The following RHPN1 variants were observed in gnomAD, a reference collection of about 807,000 sequenced individuals.
RHPN1 encodes the protein rhophilin-1.
In RHPN1, 77 loss-of-function variants were observed where a neutral mutation model predicts 74.7. The ratio of observed to expected loss-of-function variants is 1.03; its 90% CI spans 0.86 to 1.25. The LOEUF is 1.25. Ranked by LOEUF, RHPN1 falls within the 50% of genes most tolerant of loss-of-function variation. The probability of loss-of-function intolerance (pLI) is 0.00; values close to 1 mark genes in which losing one functional copy is unlikely to be tolerated. For synonymous variants in RHPN1, 444 were observed against 414.5 expected (o/e 1.07, Z -0.87); for missense variants, 987 against 932.2 (o/e 1.06, Z -0.77).
chr8:143,375,428 GC>G (rs1755619287), intron 1 of RHPN1, 124 bp from the exon 2 acceptor site: 1 of 627,328 alleles, frequency 1.6e-6, no homozygotes, highest in Non-Finnish European at 2.7e-6. Flanking sequence ...GCCAGCTCCA[GC>G]CCCAGCGCAT....
chr8:143,374,177 C>T (rs1818054733), intron 1 of RHPN1: 8 of 985,432 alleles, frequency 8.1e-6, no homozygotes, highest in South Asian at 4.7e-5. Flanking sequence ...GAGCTCTTTA[C>T]GGGGAAGACG....
Position 143,378,835 on chromosome 8 carries a change from G to A in RHPN1, c.584+15G>A, listed in dbSNP as rs1247507762. 6.4e-7 allele frequency: 1 copy of A among 1,564,916 alleles called. No individual in the cohort carries two copies. Among genetic ancestry groups the A allele is most frequent in the African/African-American group, 1.4e-5 (1 of 73,544 alleles). On this transcript the variant is annotated intron_variant, in intron 6 of 14. Transcript: ENST00000289013. ...TTCTTCCACTGGTAGGGGCTCTGCG[G>A]GCGGAGGCACCCTGGGGAGGGGAGG...
At chr8:143,364,608 A>G (rs2450762), upstream of RHPN1, among the ~76,000 whole-genome samples, 33,308 of 151,144 alleles carry the variant, frequency 0.22, 6,580 homozygotes, top group African/African-American at 0.54. The surrounding 1 kb of genome is among the most constrained non-coding windows in gnomAD (Gnocchi z 4.5). Context: ...TTTTTTTAAC[A>G]ACTCTTATTT....
chr8:143,380,164 G>T lies in RHPN1; in HGVS notation c.1205G>T (p.Arg402Leu), dbSNP rs1004411994. The T allele has an allele frequency of 1.3e-6, 2 of 1,542,058 alleles. No homozygotes were observed. Among genetic ancestry groups the T allele is most frequent in the Admixed American group, 2.0e-5 (1 of 50,410 alleles). The change falls in exon 10 of 15, where the codon CGC becomes CTC. Residue 402 changes from arginine to leucine, a missense_variant. Transcript: ENST00000289013. ...GTGCTGCCGCAGGAGCTGGAGGAGCGCAGGCAGCTTGGTAAGGCGCCCATG... is the reference window on the plus strand; with the variant it reads ...GTGCTGCCGCAGGAGCTGGAGGAGCTCAGGCAGCTTGGTAAGGCGCCCATG... ...GPVLPQELEE[R>L]RQLGKAHLKR...
chr8:143,379,685 C>T, intron 8 of RHPN1, 144 bp from the exon 9 acceptor site: 1 of 1,446,020 alleles, frequency 6.9e-7, no homozygotes, highest in East Asian at 2.5e-5. Context: ...CCTCTGCCTC[C>T]AGGGGATGGC....
chr8:143,368,864 A>C, upstream of RHPN1: 1 of 571,756 alleles, frequency 1.7e-6, no homozygotes, highest in Non-Finnish European at 2.6e-6. Context: ...ACAGTCGGGG[A>C]CCGGCGCGGG....
chr8:143,375,286 G>C (rs1485610352), intron 1 of RHPN1, among the ~76,000 whole-genome samples: 1 of 152,174 alleles, frequency 6.6e-6, no homozygotes, highest in Non-Finnish European at 1.5e-5. Flanking sequence ...GCAGGTGCCA[G>C]CCTCCCCCGC....
intron 1 of RHPN1, among the ~76,000 whole-genome samples, chr8:143,371,914 G>A (rs975299291): frequency 6.6e-6 from 1 of 152,256 alleles, no homozygotes; most frequent in Non-Finnish European, 1.5e-5. Flanking sequence ...TCAACCCAGT[G>A]TGGAAAGTGG....
intron 1 of RHPN1, 60 bp downstream of exon 1, chr8:143,369,107 C>G: frequency 1.5e-6 from 2 of 1,330,274 alleles, no homozygotes; most frequent in South Asian, 3.1e-5. Flanking sequence ...TTTTCCTGCC[C>G]CCCCTCGAGG....
rs1037549978 is a variant in RHPN1 at position 143,379,723 on chromosome 8, G to A, written c.946-106G>A. 4 of 1,466,554 alleles carry A rather than the reference G, an allele frequency of 2.7e-6. No individual in the cohort carries two copies. The East Asian group carries it at 7.4e-5, about 27-fold the overall frequency. The allele number at this position is 1,466,554 out of a possible 1,614,324, so 90.8% of individuals were successfully genotyped here. A position where few individuals can be genotyped will look rare whatever the true frequency, so the allele number is the denominator to read the frequency against. On this transcript the variant is annotated intron_variant, in intron 8 of 14. Coordinates refer to ENST00000289013, the MANE Select transcript of RHPN1 (RefSeq NM_052924.3). Reference sequence around the variant, plus strand: ...AAAGCAGCAGGAACTGAGGTGCCAGGGAGGCTGCTGGGATGGTGGTCGGAG... The same window carrying A: ...AAAGCAGCAGGAACTGAGGTGCCAGAGAGGCTGCTGGGATGGTGGTCGGAG...
chr8:143,376,683 G>T, intron 3 of RHPN1, 30 bp downstream of exon 3: 1 of 1,544,740 alleles, frequency 6.5e-7, no homozygotes, highest in Non-Finnish European at 8.7e-7. Context: ...CAGCACGTGC[G>T]TGTATGTGTG....
At chr8:143,379,682 C>T (rs1818565452) in intron 8 of RHPN1, 147 bp from the exon 9 acceptor site, 6 of 1,445,696 alleles carry the variant, frequency 4.2e-6, no homozygotes, top group Non-Finnish European at 5.4e-6. Context: ...GAGCCTCTGC[C>T]TCCAGGGGAT....
At chr8:143,372,520 C>T (rs915585171) in intron 1 of RHPN1, among the ~76,000 whole-genome samples, 1 of 152,010 alleles carries the variant, frequency 6.6e-6, no homozygotes, top group African/African-American at 2.4e-5. Context: ...TCCACGGGGG[C>T]AGGGCTGGGC....
intron 1 of RHPN1, among the ~76,000 whole-genome samples, chr8:143,371,057 G>A (rs1354274246): frequency 6.6e-6 from 1 of 152,182 alleles, no homozygotes; most frequent in African/African-American, 2.4e-5. Flanking sequence ...CCCCTGCCCA[G>A]GTAGATTGGG....
At chr8:143,374,220 G>A in intron 1 of RHPN1, 1 of 985,436 alleles carries the variant, frequency 1.0e-6, no homozygotes, top group African/African-American at 1.7e-5. Context: ...GCGTGGAGAG[G>A]GTGTCGGGTC....
rs912256476 is a variant in RHPN1, at chr8:143,380,508, C to T, written c.1217-81C>T. 1.6e-5 allele frequency: 21 copies of T among 1,307,512 alleles called. No individual in the cohort carries two copies. In the African/African-American group the frequency reaches 2.7e-4, roughly 17 times the overall value. 81.0% of individuals were successfully genotyped at this position (1,307,512 alleles called of 1,614,324 possible). Reference sequence around the variant, plus strand: ...AGTGGCTGTGATGAGCCCCACAGCCCTGGCGTTGCCCACTCCTTCTGCCAC... The same window carrying T: ...AGTGGCTGTGATGAGCCCCACAGCCTTGGCGTTGCCCACTCCTTCTGCCAC... On this transcript the variant is annotated intron_variant, in intron 10 of 14. Coordinates refer to ENST00000289013, the MANE Select transcript of RHPN1 (RefSeq NM_052924.3).
Position 143,381,802 on chromosome 8 carries a change from C to T in RHPN1, c.1636-5C>T. ...CCCCACCTCACCGTCCAAGTCTCCC[C>T]ACAGGCGGCTGGCCTGAAGGAGGGC... On this transcript the variant is annotated splice_polypyrimidine_tract_variant and splice_region_variant and intron_variant, in intron 13 of 14. Coordinates refer to ENST00000289013, the MANE Select transcript of RHPN1 (RefSeq NM_052924.3). 1.9e-6 allele frequency: 3 copies of T among 1,611,702 alleles called. No homozygotes were observed. The highest frequency in any genetic ancestry group is 1.7e-6 in the Non-Finnish European group (2 of 1,179,234).
rs1286307242 is a variant in RHPN1, at chr8:143,381,306, C to G, written c.1450C>G (p.Leu484Val). 1 of 1,613,006 alleles carries G rather than the reference C, an allele frequency of 6.2e-7. No homozygotes were observed. The highest frequency in any genetic ancestry group is 8.5e-7 in the Non-Finnish European group (1 of 1,179,666). The change falls in exon 12 of 15, where the codon CTG becomes GTG. Residue 484 changes from leucine to valine, a missense_variant. By Grantham distance (32) the Leu-to-Val change is conservative. Coordinates refer to ENST00000289013, the MANE Select transcript of RHPN1 (RefSeq NM_052924.3). ...GAAGCCAGAGGCCAGGATGCCACGC[C>G]TGTCCCAGGGGAAGGGGCCTGACAT... ...HQKPEARMPR[L>V]SQGKGPDIFH...
chr8:143,378,472 G>A (rs577557819), intron 5 of RHPN1, 126 bp downstream of exon 5: 84 of 993,724 alleles, frequency 8.5e-5, no homozygotes, highest in East Asian at 3.4e-4. Flanking sequence ...GGAGACGGGC[G>A]CACCAGGGGC....
Sources: gnomAD v4.1 joint callset for allele counts (sites outside exome capture counted in the v4.1 genomes callset) on GRCh38, gnomAD v4.1.1 for gene constraint, Gnocchi (gnomAD v3.1) non-coding constraint, MANE v1.5 for transcripts, NCBI Gene and HGNC (gene_info 2026-07-23, HGNC 2026-07-21) for gene names.